SLC5A4: variants seen among roughly 807,000 people sequenced by gnomAD.
The protein encoded by SLC5A4 is solute carrier family 5 member 4.
SLC5A4 carries 55 observed loss-of-function variants against 70.3 expected under a neutral mutation model. The observed-to-expected ratio is 0.78, with a 90% confidence interval of 0.63 to 0.98. The LOEUF (loss-of-function observed/expected upper bound fraction) is 0.98. Ranked by LOEUF, SLC5A4 falls within the 50% of genes least tolerant of loss-of-function variation. The pLI is 0.00. For synonymous variants in SLC5A4, 268 were observed against 305.7 expected, an observed-to-expected ratio of 0.88 and a Z score of 1.29; for missense variants, 735 against 839.2, an observed-to-expected ratio of 0.88 and a Z score of 1.53.
At chr22:32,298,226 G>A in the SLC5A4 span, among the ~76,000 whole-genome samples, 6 of 140,206 alleles carry the variant, frequency 4.3e-5, no homozygotes, top group Non-Finnish European at 9.3e-5. Flanking sequence ...TTTCTGTCTC[G>A]TTGATCTGTC....
the SLC5A4 span, among the ~76,000 whole-genome samples, chr22:32,333,206 C>G: frequency 1.0e-4 from 15 of 150,504 alleles, 1 homozygote; most frequent in African/African-American, 3.7e-4. Flanking sequence ...ACCCCCCCCC[C>G]AGAAGACTCA....
intron 13 of SLC5A4, among the ~76,000 whole-genome samples, chr22:32,223,587 C>G (rs1257590955): frequency 6.6e-6 from 1 of 152,104 alleles, no homozygotes; most frequent in African/African-American, 2.4e-5. Context: ...AGTGTTCATG[C>G]TGTATATGAA....
intron 13 of SLC5A4, 87 bp from the exon 14 acceptor site, chr22:32,221,109 T>C: frequency 1.1e-6 from 1 of 903,716 alleles, no homozygotes. Context: ...TATCGTCTGG[T>C]GTTTTTAAAA....
At chr22:32,236,831 A>G (rs1434005324) in intron 7 of SLC5A4, among the ~76,000 whole-genome samples, 3 of 151,368 alleles carry the variant, frequency 2.0e-5, no homozygotes, top group African/African-American at 7.3e-5. Context: ...CAGCCTCTTG[A>G]GTAGCTGGGA....
At chr22:32,224,579 A>G (rs1421797852) in intron 12 of SLC5A4, 97 bp from the exon 13 acceptor site, 5 of 990,608 alleles carry the variant, frequency 5.0e-6, no homozygotes, top group African/African-American at 3.3e-5. Flanking sequence ...TTCTCAGTTA[A>G]GGACCAACAA....
chr22:32,305,407 A>T, the SLC5A4 span, among the ~76,000 whole-genome samples: 2 of 145,436 alleles, frequency 1.4e-5, no homozygotes, highest in African/African-American at 5.2e-5. Context: ...GCCAGGAAAG[A>T]TATATTTAAC....
the SLC5A4 span, among the ~76,000 whole-genome samples, chr22:32,294,385 T>C: frequency 6.8e-6 from 1 of 147,860 alleles, no homozygotes. Flanking sequence ...CATGCAATTG[T>C]GAGAAGTAGT....
Position 32,231,072 on chromosome 22 carries a change from A to G in SLC5A4, c.1025T>C (p.Met342Thr), listed in dbSNP as rs753080903. Residue 342 changes from methionine to threonine, a missense_variant, in exon 10 of 15, where the codon ATG (methionine) becomes ACG (threonine). Transcript: ENST00000266086. The stretch of plus-strand genomic sequence containing the variant: ...TTCAGAAGGTACCACACATGCTACC[A>G]TATCTGGGGAAGAATTCAGAAGTGA... Reference protein sequence around the residue: ...GMISRILYTDMVACVVPSECV... With the variant: ...GMISRILYTDTVACVVPSECV... The G allele has an allele frequency of 1.2e-6, 2 of 1,607,178 alleles. No individual in the cohort carries two copies. The highest frequency in any genetic ancestry group is 1.7e-6 in the Non-Finnish European group (2 of 1,173,700).
chr22:32,308,812 A>C, the SLC5A4 span, among the ~76,000 whole-genome samples: 6 of 152,310 alleles, frequency 3.9e-5, no homozygotes, highest in East Asian at 9.7e-4. Flanking sequence ...ATGTGTGTGC[A>C]TGCACAGCTG....
the SLC5A4 span, chr22:32,269,720 C>T: frequency 1.6e-6 from 1 of 623,336 alleles, no homozygotes; most frequent in Non-Finnish European, 3.1e-6. The surrounding 1 kb of genome is among the most constrained non-coding windows in gnomAD (Gnocchi z 4.1). Flanking sequence ...GCAGCCTCAC[C>T]ACAGGCACCG....
chr22:32,311,807 CAG>C, the SLC5A4 span, among the ~76,000 whole-genome samples: 2 of 150,732 alleles, frequency 1.3e-5, no homozygotes, highest in South Asian at 4.3e-4. Flanking sequence ...GTGGAGAACT[CAG>C]GGCGACAGCC....
chr22:32,266,008 G>C, the SLC5A4 span, among the ~76,000 whole-genome samples: 3 of 152,184 alleles, frequency 2.0e-5, no homozygotes, highest in African/African-American at 7.2e-5. Context: ...GAAAGGATTT[G>C]CCTTGGGGCA....
intron 3 of SLC5A4, among the ~76,000 whole-genome samples, chr22:32,249,128 A>G (rs1325180026): frequency 2.6e-5 from 4 of 152,208 alleles, no homozygotes; most frequent in Admixed American, 2.6e-4. Context: ...GGAGTGACAA[A>G]GCAATGAGAA....
intron 14 of SLC5A4, among the ~76,000 whole-genome samples, chr22:32,219,266 G>A (rs1603220696): frequency 6.6e-6 from 1 of 152,212 alleles, no homozygotes; most frequent in Non-Finnish European, 1.5e-5. Context: ...AGGGGAATTA[G>A]TAGCGTATTG....
rs567477720 is a variant in SLC5A4 at position 32,254,384 on chromosome 22, G to A, written c.136-171C>T. Among the ~76,000 whole-genome samples, 13 of 152,222 alleles carry A rather than the reference G, an allele frequency of 8.5e-5. No homozygotes were observed. The South Asian group carries it at 2.1e-3, about 24-fold the overall frequency. On this transcript the variant is annotated intron_variant, in intron 1 of 14. Coordinates refer to ENST00000266086, the MANE Select transcript of SLC5A4 (RefSeq NM_014227.3). ...ATTTTAAAGGACTTCAAAAACAGTC[G>A]CTTTGTAAAAACCCAGGGCTGGAAG...
the SLC5A4 span, among the ~76,000 whole-genome samples, chr22:32,282,971 C>G: frequency 6.6e-6 from 1 of 152,218 alleles, no homozygotes; most frequent in African/African-American, 2.4e-5. Context: ...TCAGAAGAAG[C>G]CTTTACAACG....
chr22:32,222,972 T>C (rs1207516188), intron 13 of SLC5A4, among the ~76,000 whole-genome samples: 4 of 152,204 alleles, frequency 2.6e-5, no homozygotes, highest in Non-Finnish European at 4.4e-5. Context: ...TAGGTGGATA[T>C]GCTCTAAGAT....
chr22:32,292,257 TTA>T, the SLC5A4 span, among the ~76,000 whole-genome samples: 4 of 125,546 alleles, frequency 3.2e-5, no homozygotes, highest in African/African-American at 9.0e-5. Context: ...ATACTAGATA[TTA>T]TATATAATAC....
the SLC5A4 span, chr22:32,269,392 C>T: frequency 0.02 from 8,869 of 445,518 alleles, 624 homozygotes; most frequent in African/African-American, 0.16. The surrounding 1 kb of genome is among the most constrained non-coding windows in gnomAD (Gnocchi z 4.1). Context: ...GCTACCTCAT[C>T]GATGTGCAGG....
Sources: gnomAD v4.1 joint callset for allele counts (sites outside exome capture counted in the v4.1 genomes callset) on GRCh38, gnomAD v4.1.1 for gene constraint, Gnocchi (gnomAD v3.1) non-coding constraint, MANE v1.5 for transcripts, NCBI Gene and HGNC (gene_info 2026-07-23, HGNC 2026-07-21) for gene names.